Variants in FGF12 observed in about 807,000 individuals in gnomAD.
The protein encoded by FGF12 is fibroblast growth factor 12B.
FGF12 carries 14 observed loss-of-function variants against 23.6 expected under a neutral mutation model. The observed-to-expected ratio is 0.59, with a 90% CI of 0.39 to 0.93. The LOEUF is 0.93. Among genes scored for constraint, FGF12 ranks in the 40% least tolerant of loss-of-function variants. FGF12 has a pLI of 0.00. For synonymous variants in FGF12, 62 were observed against 77.3 expected, an observed-to-expected ratio of 0.80 and a Z score of 1.04; for missense variants, 175 against 217.8, an observed-to-expected ratio of 0.80 and a Z score of 1.24.
At chr3:192,494,860 A>ATATG (rs1491193341) in intron 2 of FGF12, among the ~76,000 whole-genome samples, 1 of 134,856 alleles carries the variant, frequency 7.4e-6, no homozygotes, top group African/African-American at 2.8e-5. Context: ...ATATATATAT[A>ATATG]AAATACATTT....
At chr3:192,721,034 A>T (rs976323298) in intron 2 of FGF12, among the ~76,000 whole-genome samples, 5 of 152,162 alleles carry the variant, frequency 3.3e-5, no homozygotes, top group African/African-American at 1.2e-4. Context: ...GGTGTTGGAG[A>T]CGTTACTATT....
intron 2 of FGF12, among the ~76,000 whole-genome samples, chr3:192,726,607 C>G (rs986147378): frequency 6.6e-6 from 1 of 152,152 alleles, no homozygotes; most frequent in Admixed American, 6.5e-5. Flanking sequence ...CCAAGCAGTA[C>G]TCCCATACAC....
intron 2 of FGF12, among the ~76,000 whole-genome samples, chr3:192,560,673 G>A (rs948132699): frequency 6.6e-6 from 1 of 152,092 alleles, no homozygotes; most frequent in Non-Finnish European, 1.5e-5. Flanking sequence ...AATTTAATTT[G>A]TAAATTAAAA....
At chr3:192,470,469 A>T (rs528732071) in intron 2 of FGF12, among the ~76,000 whole-genome samples, 2 of 151,794 alleles carry the variant, frequency 1.3e-5, no homozygotes, top group African/African-American at 4.9e-5. Context: ...GCTCACCGCA[A>T]CCTCTGCCTC....
intron 2 of FGF12, among the ~76,000 whole-genome samples, chr3:192,418,923 T>C (rs1241177726): frequency 6.6e-6 from 1 of 152,206 alleles, no homozygotes; most frequent in East Asian, 1.9e-4. Flanking sequence ...CAGACTAATA[T>C]GGACATTAAG....
At chr3:192,569,423 A>G (rs574057927) in intron 2 of FGF12, among the ~76,000 whole-genome samples, 4 of 152,322 alleles carry the variant, frequency 2.6e-5, no homozygotes, top group South Asian at 2.1e-4. Context: ...TCGTATTCCT[A>G]TGTTTTCACA....
chr3:192,708,584 C>T (rs1718564836), intron 2 of FGF12, among the ~76,000 whole-genome samples: 1 of 152,120 alleles, frequency 6.6e-6, no homozygotes, highest in Admixed American at 6.6e-5. Context: ...ATATGCTTAA[C>T]ATGTGCCAAG....
rs57914760 is a variant in FGF12, at chr3:192,484,315, TAA to T, written c.14-123779_14-123778del. Among the ~76,000 whole-genome samples the T allele has an allele frequency of 9.0e-3, 892 of 99,556 alleles. 5 individuals are homozygous for T. Among genetic ancestry groups the T allele is most frequent in the African/African-American group, 0.025 (833 of 33,746 alleles). The allele number at this position is 99,556 out of a possible 152,430, so 65.3% of individuals were successfully genotyped here. On this transcript the variant is annotated intron_variant, in intron 2 of 5. Coordinates refer to ENST00000445105, the MANE Select transcript of FGF12 (RefSeq NM_004113.6). ...TCCAATAGAGATCCTTCCATTTTCC[TAA>T]AAAAAAAAAAAAAAAAAAAAAGAAC...
At chr3:192,536,267 A>G (rs1204155591) in intron 2 of FGF12, among the ~76,000 whole-genome samples, 1 of 152,178 alleles carries the variant, frequency 6.6e-6, no homozygotes, top group Admixed American at 6.5e-5. Flanking sequence ...TATGGTCCAT[A>G]AAGCCTAAAA....
chr3:192,561,919 GAAAGA>G, intron 2 of FGF12, among the ~76,000 whole-genome samples: 1 of 97,008 alleles, frequency 1.0e-5, no homozygotes, highest in South Asian at 3.5e-4. Context: ...AAGAAAAAAA[GAAAGA>G]AAAAAAAAAG....
chr3:192,250,076 C>G (rs1711904669), intron 4 of FGF12, among the ~76,000 whole-genome samples: 1 of 152,162 alleles, frequency 6.6e-6, no homozygotes, highest in Non-Finnish European at 1.5e-5. Context: ...CAACTCCATT[C>G]TGCTTAGTAC....
intron 4 of FGF12, among the ~76,000 whole-genome samples, chr3:192,313,859 C>T (rs1716087361): frequency 6.6e-6 from 1 of 152,164 alleles, no homozygotes; most frequent in African/African-American, 2.4e-5. Context: ...TGGCTGCTGC[C>T]AGGTGCTATG....
chr3:192,393,032 TG>T (rs1720375012), intron 2 of FGF12, among the ~76,000 whole-genome samples: 1 of 152,214 alleles, frequency 6.6e-6, no homozygotes, highest in Non-Finnish European at 1.5e-5. Context: ...TCATAGTGTA[TG>T]TGAAGATGGC....
chr3:192,680,154 G>C (rs142065716), intron 2 of FGF12, among the ~76,000 whole-genome samples: 2 of 152,278 alleles, frequency 1.3e-5, no homozygotes, highest in East Asian at 3.9e-4. Flanking sequence ...TAGGGAGTCA[G>C]AAATAGATAC....
At chr3:192,407,957 G>A (rs979924875) in intron 2 of FGF12, 23 of 1,480,376 alleles carry the variant, frequency 1.6e-5, no homozygotes, top group East Asian at 2.3e-5. Flanking sequence ...CGGGGGTCCC[G>A]AGGTGCTTTG....
chr3:192,420,535 G>A (rs1269613740), intron 2 of FGF12, among the ~76,000 whole-genome samples: 1 of 152,148 alleles, frequency 6.6e-6, no homozygotes, highest in African/African-American at 2.4e-5. Flanking sequence ...GGTAATGAGT[G>A]AGTTCTCACT....
intron 4 of FGF12, among the ~76,000 whole-genome samples, chr3:192,275,293 G>A (rs1336800099): frequency 1.3e-5 from 2 of 151,998 alleles, no homozygotes; most frequent in African/African-American, 4.8e-5. Context: ...AAACAGTCCA[G>A]TTTTAGGTAC....
chr3:192,432,634 AAAAAAAAAGAAAGAAAG>A (rs1482754013), intron 2 of FGF12, among the ~76,000 whole-genome samples: 47 of 151,404 alleles, frequency 3.1e-4, no homozygotes, highest in Middle Eastern at 3.4e-3. Context: ...AAAAAAAAAA[AAAAAAAAAGAAAGAAAG>A]AAAGAAAGAA....
chr3:192,206,654 C>T (rs113047983), intron 4 of FGF12, among the ~76,000 whole-genome samples: 8 of 152,232 alleles, frequency 5.3e-5, no homozygotes, highest in East Asian at 1.9e-4. Flanking sequence ...CTCATATTTT[C>T]GGGCACTTTT....
Sources: gnomAD v4.1 joint callset for allele counts (sites outside exome capture counted in the v4.1 genomes callset) on GRCh38, gnomAD v4.1.1 for gene constraint, MANE v1.5 for transcripts, NCBI Gene and HGNC (gene_info 2026-07-23, HGNC 2026-07-21) for gene names.